Variants in LRP1B observed in about 807,000 individuals in gnomAD.
LRP1B encodes LDL receptor related protein 1B, also known as low-density lipoprotein receptor-related protein 1B.
Under a neutral mutation model 556.6 loss-of-function variants are expected in LRP1B, and 217 were observed. The observed-to-expected ratio is 0.39, with a 90% confidence interval of 0.35 to 0.44. LRP1B has a LOEUF of 0.44. Among genes scored for constraint, LRP1B ranks in the 20% least tolerant of loss-of-function variants. The pLI, the probability that LRP1B is intolerant of heterozygous loss-of-function variation, is 1.00. For synonymous variants in LRP1B, 2,047 were observed against 1,865.8 expected (o/e 1.10, Z -2.50); for missense variants, 5,053 against 5,620.8 (o/e 0.90, Z 3.23).
At chr2:141,044,934 G>T (rs985280395) in intron 11 of LRP1B, among the ~76,000 whole-genome samples, 8 of 151,014 alleles carry the variant, frequency 5.3e-5, no homozygotes, top group African/African-American at 1.2e-4. Context: ...ATACCCAAAG[G>T]ACTATAAATC....
chr2:141,894,813 G>A (rs918523361), intron 1 of LRP1B, among the ~76,000 whole-genome samples: 1 of 151,946 alleles, frequency 6.6e-6, no homozygotes, highest in African/African-American at 2.4e-5. Context: ...ACCTTGGGAG[G>A]CTGAGGCAGA....
chr2:140,816,200 C>G (rs1487247251), intron 31 of LRP1B, among the ~76,000 whole-genome samples: 2 of 152,028 alleles, frequency 1.3e-5, no homozygotes, highest in Non-Finnish European at 2.9e-5. Flanking sequence ...TCACTACAAC[C>G]TCCACCTCCT....
At chr2:142,050,607 C>G (rs1158120315) in intron 1 of LRP1B, among the ~76,000 whole-genome samples, 1 of 152,038 alleles carries the variant, frequency 6.6e-6, no homozygotes, top group African/African-American at 2.4e-5. Flanking sequence ...AGTAACTTAC[C>G]TTAAAGAGAA....
At chr2:140,315,771 ATTTG>A (rs370738231) in intron 82 of LRP1B, among the ~76,000 whole-genome samples, 4 of 152,234 alleles carry the variant, frequency 2.6e-5, no homozygotes, top group Middle Eastern at 6.8e-3. Flanking sequence ...TACACACACT[ATTTG>A]TTCTATAGCC....
At chr2:141,587,880 A>G (rs1687198487) in intron 2 of LRP1B, among the ~76,000 whole-genome samples, 1 of 152,202 alleles carries the variant, frequency 6.6e-6, no homozygotes, top group African/African-American at 2.4e-5. Context: ...TAGCCAACCA[A>G]TAGTATTCGA....
At chr2:140,748,875 AGT>A in intron 35 of LRP1B, among the ~76,000 whole-genome samples, 1 of 124,432 alleles carries the variant, frequency 8.0e-6, no homozygotes, top group African/African-American at 2.9e-5. Flanking sequence ...ACACACACAG[AGT>A]CATGCATCAC....
At chr2:140,350,731 A>C (rs1573830205) in intron 77 of LRP1B, 66 bp downstream of exon 77, 1 of 1,424,980 alleles carries the variant, frequency 7.0e-7, no homozygotes, top group East Asian at 2.4e-5. Context: ...ATATTAGATA[A>C]ATTTTGTTTA....
At chr2:141,403,669 T>C (rs751416407) in intron 3 of LRP1B, among the ~76,000 whole-genome samples, 16 of 152,180 alleles carry the variant, frequency 1.1e-4, no homozygotes, top group Admixed American at 1.3e-4. Flanking sequence ...TGCTAATCTG[T>C]TATGATAATG....
intron 68 of LRP1B, among the ~76,000 whole-genome samples, chr2:140,375,871 ACTT>A (rs562164885): frequency 9.2e-5 from 14 of 152,136 alleles, no homozygotes; most frequent in Middle Eastern, 3.4e-3. Flanking sequence ...ATATTTTTAA[ACTT>A]CTTCTTTGTT....
chr2:141,916,624 C>T (rs984709543), intron 1 of LRP1B, among the ~76,000 whole-genome samples: 3 of 151,372 alleles, frequency 2.0e-5, no homozygotes, highest in Non-Finnish European at 4.4e-5. Flanking sequence ...CCTCGTGATC[C>T]GCCCTCCTCA....
intron 65 of LRP1B, among the ~76,000 whole-genome samples, chr2:140,443,639 T>G (rs1324884470): frequency 6.6e-6 from 1 of 152,228 alleles, no homozygotes; most frequent in African/African-American, 2.4e-5. Context: ...AGTCACATAA[T>G]CTGCATGTGT....
intron 43 of LRP1B, among the ~76,000 whole-genome samples, chr2:140,575,188 G>A (rs1681471929): frequency 6.6e-6 from 1 of 152,132 alleles, no homozygotes; most frequent in African/African-American, 2.4e-5. Flanking sequence ...TGCAGAGGGG[G>A]TTAGGGGTGA....
At chr2:141,331,523 T>TTTCTTTCTTTCTTC (rs1553497513) in intron 3 of LRP1B, among the ~76,000 whole-genome samples, 1 of 10,674 alleles carries the variant, frequency 9.4e-5, no homozygotes, top group African/African-American at 8.2e-4. Context: ...TCTTTCTTTC[T>TTTCTTTCTTTCTTC]CTTTCTTTCT....
chr2:141,405,246 C>A (rs1448426037), intron 3 of LRP1B, among the ~76,000 whole-genome samples: 1 of 151,998 alleles, frequency 6.6e-6, no homozygotes, highest in East Asian at 1.9e-4. Context: ...AAAATGATTG[C>A]TTTCAGAATT....
intron 3 of LRP1B, among the ~76,000 whole-genome samples, chr2:141,316,972 G>A (rs779545519): frequency 3.8e-4 from 58 of 152,168 alleles, no homozygotes; most frequent in Non-Finnish European, 7.2e-4. Context: ...ATCTAGAAAG[G>A]TGATGCCACA....
chr2:140,274,634 T>G (rs1371700972), intron 84 of LRP1B, 36 bp from the exon 85 acceptor site: 1 of 1,567,078 alleles, frequency 6.4e-7, no homozygotes, highest in Non-Finnish European at 8.7e-7. Flanking sequence ...AATAAAATTA[T>G]ATTACAGGAC....
chr2:141,221,355 G>C (rs1255525153), intron 6 of LRP1B, among the ~76,000 whole-genome samples: 2 of 149,812 alleles, frequency 1.3e-5, no homozygotes, highest in Non-Finnish European at 1.5e-5. Flanking sequence ...AACAAGAAGA[G>C]CTAACTTTCT....
chr2:140,272,254 CACAA>C (rs1195876672), intron 85 of LRP1B, among the ~76,000 whole-genome samples: 3 of 72,312 alleles, frequency 4.1e-5, no homozygotes, highest in African/African-American at 9.1e-5. Context: ...TATGTGCACA[CACAA>C]ACACACACAC....
At chr2:141,880,817 G>A (rs952718438) in intron 1 of LRP1B, among the ~76,000 whole-genome samples, 2 of 152,000 alleles carry the variant, frequency 1.3e-5, no homozygotes, top group Middle Eastern at 3.4e-3. Flanking sequence ...AAACATTCAT[G>A]GTGAATACAT....
Sources: gnomAD v4.1 joint callset for allele counts (sites outside exome capture counted in the v4.1 genomes callset) on GRCh38, gnomAD v4.1.1 for gene constraint, MANE v1.5 for transcripts, NCBI Gene and HGNC (gene_info 2026-07-23, HGNC 2026-07-21) for gene names.